ACSS2: variants seen among roughly 807,000 people sequenced by gnomAD.
ACSS2 encodes acyl-CoA synthetase short chain family member 2.
ACSS2 carries 58 observed loss-of-function variants against 90.6 expected under a neutral mutation model. The observed-to-expected ratio is 0.64, with a 90% CI of 0.52 to 0.80. The LOEUF (loss-of-function observed/expected upper bound fraction) is 0.80. Ranked by LOEUF, ACSS2 falls within the 30% of genes least tolerant of loss-of-function variation. The pLI, the probability that ACSS2 is intolerant of heterozygous loss-of-function variation, is 0.00. For synonymous variants in ACSS2, 300 were observed against 330.9 expected (o/e 0.91, Z 1.01); for missense variants, 759 against 912.0 (o/e 0.83, Z 2.16).
At chr20:34,915,458 T>C (rs1451073653) in intron 7 of ACSS2, among the ~76,000 whole-genome samples, 2 of 152,108 alleles carry the variant, frequency 1.3e-5, no homozygotes, top group Non-Finnish European at 2.9e-5. Flanking sequence ...GTATAGAGTA[T>C]GGATCTTAGA....
At chr20:34,876,600 C>G, upstream of ACSS2, 2 of 1,294,708 alleles carry the variant, frequency 1.5e-6, no homozygotes, top group Non-Finnish European at 2.0e-6. Context: ...AGTCCCGGCA[C>G]CCGCCGCGAC....
At chr20:34,909,838 TC>T (rs2080905230) in intron 2 of ACSS2, among the ~76,000 whole-genome samples, 1 of 151,616 alleles carries the variant, frequency 6.6e-6, no homozygotes, top group Non-Finnish European at 1.5e-5. Flanking sequence ...CGCCTTAGCC[TC>T]CCAAGTAGCT....
chr20:34,902,212 A>G (rs1221716280), intron 2 of ACSS2, among the ~76,000 whole-genome samples: 1 of 152,184 alleles, frequency 6.6e-6, no homozygotes, highest in East Asian at 1.9e-4. Context: ...AGTGAACAAG[A>G]CCAACTTGGC....
At position 34,876,816 on chromosome 20, in the gene ACSS2, G is replaced by A; in HGVS notation, c.171G>A (p.Glu57=). 1 of 1,305,378 alleles carries A rather than the reference G, an allele frequency of 7.7e-7. No individual in the cohort carries two copies. Among genetic ancestry groups the A allele is most frequent in the Non-Finnish European group, 9.8e-7 (1 of 1,023,588 alleles). 80.9% of individuals were successfully genotyped at this position (1,305,378 alleles called of 1,614,324 possible). ...AGCTGCACCGGCGCTCCGTGGAGGA[G>A]CCGCGGGGTGAGGCCCGGCCCGGGC... ...YRELHRRSVE[E]PREFWGDIAK... Residue 57 remains glutamate, a synonymous_variant, in exon 1 of 18, where the codon GAG becomes GAA. Coordinates refer to ENST00000360596, the MANE Select transcript of ACSS2 (RefSeq NM_018677.4).
chr20:34,913,550 A>G, intron 4 of ACSS2, 54 bp downstream of exon 4: 1 of 1,549,508 alleles, frequency 6.5e-7, no homozygotes, highest in Non-Finnish European at 8.8e-7. Flanking sequence ...GCTCTGGAGA[A>G]GTAGGTTGGG....
Position 34,910,253 on chromosome 20 carries a change from T to G in ACSS2, c.375-2843T>G, listed in dbSNP as rs139870845. Reference sequence around the variant, plus strand: ...ATACAGACTTCTTGCAAAGTAATTATTTTGGTCATTCCACACTAGTTGAAT... The same window carrying G: ...ATACAGACTTCTTGCAAAGTAATTAGTTTGGTCATTCCACACTAGTTGAAT... On this transcript the variant is annotated intron_variant, in intron 2 of 17. Transcript: ENST00000360596. 2.0e-3 allele frequency among the ~76,000 whole-genome samples: 301 copies of G among 152,344 alleles called. 1 individual carries two copies. Among genetic ancestry groups the G allele is most frequent in the South Asian group, 8.9e-3 (43 of 4,822 alleles).
chr20:34,887,752 TAAAAC>T (rs2080233949), intron 2 of ACSS2, among the ~76,000 whole-genome samples: 2 of 145,810 alleles, frequency 1.4e-5, no homozygotes, highest in Admixed American at 1.4e-4. Flanking sequence ...AAAAACAAAA[TAAAAC>T]AAAACAAATA....
At chr20:34,906,581 C>T (rs192531577) in intron 2 of ACSS2, among the ~76,000 whole-genome samples, 64 of 152,060 alleles carry the variant, frequency 4.2e-4, no homozygotes, top group South Asian at 2.9e-3. Context: ...GAAGTGGGCT[C>T]AAATAAGTTG....
chr20:34,927,251 C>A lies in ACSS2; in HGVS notation c.*37C>A. The A allele has an allele frequency of 6.2e-7, 1 of 1,608,652 alleles. No individual in the cohort carries two copies. Among genetic ancestry groups the A allele is most frequent in the Non-Finnish European group, 8.5e-7 (1 of 1,179,482 alleles). ...ACCTTTACCTAGGATTCCTCCTGCTCCAAACTTTGCCCATCCTCTTTGCCC... is the reference window on the plus strand; with the variant it reads ...ACCTTTACCTAGGATTCCTCCTGCTACAAACTTTGCCCATCCTCTTTGCCC... On this transcript the variant is annotated 3_prime_UTR_variant, in exon 18 of 18. Coordinates refer to ENST00000360596, the MANE Select transcript of ACSS2 (RefSeq NM_018677.4). This position sits in a 1 kb window ranked among gnomAD's most constrained non-coding sequence, Gnocchi z 4.2.
At chr20:34,899,420 T>TTC (rs1555882546) in intron 2 of ACSS2, among the ~76,000 whole-genome samples, 2,334 of 65,312 alleles carry the variant, frequency 0.036, 70 homozygotes, top group African/African-American at 0.12. Flanking sequence ...CTTTCTTTCT[T>TTC]TCTTTCCTTC....
In ACSS2 at chr20:34,926,929, TGGCTTGCCTAAAACC is replaced by T; in HGVS notation, c.1957_1971del (p.Gly653_Thr657del). 2 of 1,614,180 alleles carry T rather than the reference TGGCTTGCCTAAAACC, an allele frequency of 1.2e-6. No individual in the cohort carries two copies. Among genetic ancestry groups the T allele is most frequent in the South Asian group, 2.2e-5 (2 of 91,076 alleles). ...CACCAGACTACATCCAGAATGCACCTGGCTTGCCTAAAACCCGCTCAGGTATGTTCAGAGGCCTCC... is the reference window on the plus strand; with the variant it reads ...CACCAGACTACATCCAGAATGCACCTCGCTCAGGTATGTTCAGAGGCCTCC... On this transcript the variant is annotated inframe_deletion, in exon 17 of 18. Coordinates refer to ENST00000360596, the MANE Select transcript of ACSS2 (RefSeq NM_018677.4).
At chr20:34,921,622 GGTCTTGGGCTAGGCAGGGATGGT>G in intron 12 of ACSS2, 22 bp downstream of exon 12, 1 of 1,614,186 alleles carries the variant, frequency 6.2e-7, no homozygotes, top group Non-Finnish European at 8.5e-7. Context: ...TTCCCTGGCT[GGTCTTGGGCTAGGCAGGGATGGT>G]GTCTTGGGGC....
At chr20:34,912,094 A>G (rs1361210569) in intron 2 of ACSS2, among the ~76,000 whole-genome samples, 3 of 152,092 alleles carry the variant, frequency 2.0e-5, no homozygotes, top group Admixed American at 1.3e-4. Context: ...TTGGGATTAC[A>G]GGAAAGAGCC....
intron 1 of ACSS2, among the ~76,000 whole-genome samples, chr20:34,878,588 A>T (rs986020553): frequency 2.7e-4 from 41 of 152,236 alleles, no homozygotes; most frequent in African/African-American, 9.4e-4. Flanking sequence ...ATCAAGTGTA[A>T]AGTGGTGGAG....
chr20:34,890,601 C>G (rs986343884), intron 2 of ACSS2, among the ~76,000 whole-genome samples: 65 of 151,996 alleles, frequency 4.3e-4, no homozygotes, highest in Non-Finnish European at 1.0e-4. Context: ...GCTACTCAGT[C>G]TCTACTTTTT....
At chr20:34,916,452 C>T (rs988240645) in intron 7 of ACSS2, among the ~76,000 whole-genome samples, 8 of 152,122 alleles carry the variant, frequency 5.3e-5, no homozygotes, top group Admixed American at 2.0e-4. Context: ...TTTTCCTTCC[C>T]CTTAATGCAA....
chr20:34,888,001 CAG>C (rs1167566395), intron 2 of ACSS2, among the ~76,000 whole-genome samples: 1 of 134,332 alleles, frequency 7.4e-6, no homozygotes, highest in East Asian at 2.2e-4. Context: ...ACCCAGGAGA[CAG>C]AGGTTGCAGT....
chr20:34,896,782 G>A (rs1028926437), intron 2 of ACSS2, among the ~76,000 whole-genome samples: 2 of 152,338 alleles, frequency 1.3e-5, no homozygotes, highest in East Asian at 1.9e-4. Flanking sequence ...GGTGGCTCAC[G>A]CCTGCAATCC....
At chr20:34,918,257 A>T (rs2081120117) in intron 7 of ACSS2, among the ~76,000 whole-genome samples, 1 of 152,180 alleles carries the variant, frequency 6.6e-6, no homozygotes, top group Non-Finnish European at 1.5e-5. Flanking sequence ...CTCATTTGTA[A>T]AAGGAGAGAC....
Sources: gnomAD v4.1 joint callset for allele counts (sites outside exome capture counted in the v4.1 genomes callset) on GRCh38, gnomAD v4.1.1 for gene constraint, Gnocchi (gnomAD v3.1) non-coding constraint, MANE v1.5 for transcripts, NCBI Gene and HGNC (gene_info 2026-07-23, HGNC 2026-07-21) for gene names.